The following FBXL17 variants were observed in gnomAD, a reference collection of about 807,000 sequenced individuals.
FBXL17 encodes F-box/LRR-repeat protein 17.
In FBXL17, 22 loss-of-function variants were observed where a neutral mutation model predicts 66.2. That is an observed-to-expected ratio of 0.33 (90% confidence interval 0.24 to 0.47). The LOEUF is 0.47. FBXL17 is among the 20% of genes least tolerant of loss of function. The pLI is 1.00. For synonymous variants in FBXL17, 474 were observed against 400.5 expected, an observed-to-expected ratio of 1.18 and a Z score of -2.19; for missense variants, 878 against 948.2, an observed-to-expected ratio of 0.93 and a Z score of 0.97.
chr5:108,240,014 C>T (rs1268863169), intron 4 of FBXL17, among the ~76,000 whole-genome samples: 1 of 152,044 alleles, frequency 6.6e-6, no homozygotes, highest in Non-Finnish European at 1.5e-5. Context: ...GATTCATCAT[C>T]TGCTGACTAA....
intron 7 of FBXL17, among the ~76,000 whole-genome samples, chr5:107,889,626 C>T (rs1424421979): frequency 6.6e-6 from 1 of 152,162 alleles, no homozygotes; most frequent in African/African-American, 2.4e-5. Flanking sequence ...TGGGAAGAGG[C>T]TCTCCTGCCC....
intron 6 of FBXL17, among the ~76,000 whole-genome samples, chr5:108,034,647 C>A (rs1424823569): frequency 6.6e-6 from 1 of 151,928 alleles, no homozygotes; most frequent in African/African-American, 2.4e-5. Flanking sequence ...TTCACTGAAA[C>A]ATGCTAAAAC....
intron 4 of FBXL17, among the ~76,000 whole-genome samples, chr5:108,243,372 G>C (rs1394424020): frequency 3.3e-5 from 5 of 152,066 alleles, no homozygotes; most frequent in Admixed American, 2.0e-4. Context: ...TTTAATTAAT[G>C]AAAAAGGTAA....
intron 6 of FBXL17, among the ~76,000 whole-genome samples, chr5:108,035,653 C>T (rs1009126872): frequency 6.6e-5 from 10 of 152,098 alleles, no homozygotes; most frequent in Admixed American, 1.3e-4. Context: ...AGGCGTGAGC[C>T]ACCACATCCG....
At chr5:108,093,661 C>T (rs1749268048) in intron 6 of FBXL17, among the ~76,000 whole-genome samples, 2 of 152,158 alleles carry the variant, frequency 1.3e-5, no homozygotes. Context: ...CAGTTTTTAA[C>T]ATCTTCTGAT....
chr5:108,245,814 T>C (rs1285722635), intron 4 of FBXL17, among the ~76,000 whole-genome samples: 1 of 152,224 alleles, frequency 6.6e-6, no homozygotes, highest in East Asian at 1.9e-4. Context: ...GCTCACATTG[T>C]ACAACATCAA....
At chr5:108,341,995 T>C (rs1051585371) in intron 4 of FBXL17, among the ~76,000 whole-genome samples, 1 of 152,188 alleles carries the variant, frequency 6.6e-6, no homozygotes, top group Admixed American at 6.5e-5. Context: ...AATTGGTGTT[T>C]CTATAGCACT....
intron 7 of FBXL17, among the ~76,000 whole-genome samples, chr5:107,909,082 A>AC (rs1749861496): frequency 6.6e-6 from 1 of 152,284 alleles, no homozygotes; most frequent in African/African-American, 2.4e-5. Flanking sequence ...GTTTAGAGCA[A>AC]CCTATATTGA....
At chr5:107,888,491 C>T (rs939692722) in intron 7 of FBXL17, among the ~76,000 whole-genome samples, 5 of 152,170 alleles carry the variant, frequency 3.3e-5, no homozygotes, top group Admixed American at 6.5e-5. Flanking sequence ...AAGCCCAGCA[C>T]GCCTGCGGTC....
intron 6 of FBXL17, among the ~76,000 whole-genome samples, chr5:108,090,425 G>A (rs1749144368): frequency 6.6e-6 from 1 of 152,036 alleles, no homozygotes; most frequent in African/African-American, 2.4e-5. Context: ...AGCATTTAAT[G>A]GTCCCCCCTT....
intron 4 of FBXL17, among the ~76,000 whole-genome samples, chr5:108,284,602 T>C (rs750159063): frequency 1.3e-5 from 2 of 151,838 alleles, no homozygotes; most frequent in Non-Finnish European, 2.9e-5. Flanking sequence ...ATAGGTACAA[T>C]GTAGGTTATT....
chr5:108,348,491 C>T lies in FBXL17; in HGVS notation c.1414G>A (p.Gly472Ser), dbSNP rs752740515. The T allele has an allele frequency of 6.2e-7, 1 of 1,613,492 alleles. No homozygotes were observed. Among genetic ancestry groups the T allele is most frequent in the Non-Finnish European group, 8.5e-7 (1 of 1,179,660 alleles). ...TCATCTGAGATCTTGTAACACTGGC[C>T]GAAATGAATATCTTTGAGTTCTCTG... ...KCRELKDIHF[G>S]QCYKISDEGM... is the part of the protein sequence containing the mutation. The change falls in exon 4 of 9, where the codon GGC becomes AGC. Residue 472 changes from glycine to serine, a missense_variant. Transcript: ENST00000542267.
intron 8 of FBXL17, chr5:107,879,559 G>A (rs1255766509): frequency 1.4e-5 from 14 of 985,268 alleles, no homozygotes; most frequent in African/African-American, 3.5e-5. Context: ...CAAAGGTCTC[G>A]TATAAGTTGG....
At chr5:108,212,270 T>C (rs1188487320) in intron 5 of FBXL17, among the ~76,000 whole-genome samples, 1 of 152,210 alleles carries the variant, frequency 6.6e-6, no homozygotes, top group African/African-American at 2.4e-5. Context: ...TGCATTAAGT[T>C]AGAACCTGCT....
intron 5 of FBXL17, among the ~76,000 whole-genome samples, chr5:108,210,627 G>T (rs769083807): frequency 6.6e-6 from 1 of 152,208 alleles, no homozygotes; most frequent in South Asian, 2.1e-4. Context: ...GGTTTTGAGT[G>T]AGTCTCTTAA....
rs150696178 is a variant in FBXL17 at position 108,025,165 on chromosome 5, T to C, written c.1746-4164A>G. ...AATAGGAGTGTCCTAGGAGACCTTG[T>C]TACTGTTTGTGATGTGCTTCAAACC... is the stretch of plus-strand genomic sequence containing the variant. On this transcript the variant is annotated intron_variant, in intron 6 of 8. Coordinates refer to ENST00000542267, the MANE Select transcript of FBXL17 (RefSeq NM_001163315.3). 4.7e-3 allele frequency among the ~76,000 whole-genome samples: 715 copies of C among 152,250 alleles called. 3 individuals are homozygous for C. The highest frequency in any genetic ancestry group is 7.4e-3 in the Non-Finnish European group (503 of 68,010).
intron 7 of FBXL17, among the ~76,000 whole-genome samples, chr5:107,951,131 G>A: frequency 6.6e-6 from 1 of 152,144 alleles, no homozygotes; most frequent in East Asian, 1.9e-4. Flanking sequence ...GTCACAGGGT[G>A]CTGGAAAAAA....
chr5:108,337,063 C>T (rs929005464), intron 4 of FBXL17, among the ~76,000 whole-genome samples: 2 of 151,918 alleles, frequency 1.3e-5, no homozygotes, highest in Non-Finnish European at 2.9e-5. Flanking sequence ...CGAGACCATC[C>T]TGGCCAACAT....
intron 6 of FBXL17, among the ~76,000 whole-genome samples, chr5:108,179,750 C>T (rs1007717123): frequency 6.6e-6 from 1 of 152,192 alleles, no homozygotes; most frequent in Non-Finnish European, 1.5e-5. Flanking sequence ...TCTATAACTT[C>T]CACCTGTTGA....
Sources: allele counts gnomAD v4.1 joint callset (sites outside exome capture counted in the v4.1 genomes callset), GRCh38; gene constraint gnomAD v4.1.1; transcripts MANE v1.5; gene names NCBI Gene and HGNC (gene_info 2026-07-23, HGNC 2026-07-21).